The following EZH2 variants were observed in gnomAD, a reference collection of about 807,000 sequenced individuals.
EZH2 encodes histone-lysine N-methyltransferase EZH2.
Under a neutral mutation model 98.4 loss-of-function variants are expected in EZH2, and 18 were observed. The ratio of observed to expected loss-of-function variants is 0.18; its 90% confidence interval spans 0.13 to 0.27. The LOEUF (loss-of-function observed/expected upper bound fraction) is 0.27, where lower values mean the gene tolerates loss of function less well. EZH2 is among the 10% of genes least tolerant of loss of function. EZH2 has a pLI of 1.00. For missense variants in EZH2, 470 were observed against 935.1 expected (o/e 0.50, Z 6.49); for synonymous variants, 338 against 312.3 (o/e 1.08, Z -0.87).
At chr7:148,876,468 C>T (rs921369055) in intron 1 of EZH2, among the ~76,000 whole-genome samples, 1 of 152,168 alleles carries the variant, frequency 6.6e-6, no homozygotes, top group Non-Finnish European at 1.5e-5. Flanking sequence ...TACTTCAATA[C>T]AGTTGTTGTT....
At chr7:148,815,468 T>A in intron 13 of EZH2, 38 bp downstream of exon 13, 1 of 1,590,028 alleles carries the variant, frequency 6.3e-7, no homozygotes, top group African/African-American at 1.3e-5. Context: ...AAGCAGATAT[T>A]GTTAAGCTAA....
rs1357815546 is a variant in EZH2, at chr7:148,813,968, G to A, written c.1842C>T (p.Gly614=). 3.1e-6 allele frequency: 5 copies of A among 1,609,698 alleles called. No homozygotes were observed. The South Asian group carries it at 4.4e-5, about 14-fold the overall frequency. The change falls in exon 15 of 20, where the codon GGC becomes GGT. Residue 614 remains glycine, a synonymous_variant. Transcript: ENST00000320356. ...GTGACTTGTTGCTCACCTTTTTGGA[G>A]CCCCGCTGAATACTGCAGTTCTTGC... ...VSCKNCSIQR[G]SKKHLLLAPS...
chr7:148,810,443 T>C, intron 16 of EZH2, 29 bp from the exon 17 acceptor site: 1 of 1,522,770 alleles, frequency 6.6e-7, no homozygotes, highest in Non-Finnish European at 9.1e-7. Context: ...GAGAAAATTC[T>C]TTTGGATAAA....
At chr7:148,832,839 C>A (rs1809769855) in intron 3 of EZH2, 89 bp from the exon 4 acceptor site, 4 of 717,922 alleles carry the variant, frequency 5.6e-6, no homozygotes, top group African/African-American at 5.2e-5. Flanking sequence ...GCTGCCTACC[C>A]AAATATTTAA....
At chr7:148,810,139 T>C (rs1319161384) in intron 17 of EZH2, 194 bp downstream of exon 17, 2 of 459,320 alleles carry the variant, frequency 4.4e-6, no homozygotes, top group Non-Finnish European at 8.0e-6. Context: ...GGCGGTTTCC[T>C]GCACATCTAG....
intron 1 of EZH2, among the ~76,000 whole-genome samples, chr7:148,875,550 G>C (rs1192780572): frequency 6.6e-6 from 1 of 152,150 alleles, no homozygotes; most frequent in African/African-American, 2.4e-5. Context: ...CCCACAATGA[G>C]ATACTTAATA....
intron 8 of EZH2, among the ~76,000 whole-genome samples, chr7:148,819,898 A>C (rs1011153202): frequency 6.6e-6 from 1 of 152,194 alleles, no homozygotes. Context: ...GGAAGGAAAA[A>C]CAGTAAATTC....
intron 19 of EZH2, among the ~76,000 whole-genome samples, 184 bp from the exon 20 acceptor site, chr7:148,807,890 A>AT: frequency 6.6e-6 from 1 of 151,982 alleles, no homozygotes; most frequent in Non-Finnish European, 1.5e-5. Flanking sequence ...AAGGCAATGC[A>AT]TAGGTCTGTG....
At position 148,815,038 on chromosome 7, in the gene EZH2, G is replaced by A. The variant is rs199901053; in HGVS notation, c.1548C>T (p.Asp516=). The change falls in exon 14 of 20, where the codon GAC becomes GAT. Residue 516 remains aspartate (D), a splice_region_variant and synonymous_variant. Coordinates refer to ENST00000320356, the MANE Select transcript of EZH2 (RefSeq NM_004456.5). ...AGTTGTAAACATGGTTAGAGGAGCC[G>A]TCTGAGTAAAGATAACATCATGCAG... The part of the protein sequence containing the change: ...AHCRKIQLKK[D]GSSNHVYNYQ... 33 of 1,613,446 alleles carry A rather than the reference G, an allele frequency of 2.0e-5. No individual in the cohort carries two copies. The highest frequency in any genetic ancestry group is 1.7e-4 in the Middle Eastern group (1 of 6,030).
At chr7:148,847,359 T>A (rs1283156465) in intron 1 of EZH2, 54 bp from the exon 2 acceptor site, 7 of 1,599,466 alleles carry the variant, frequency 4.4e-6, no homozygotes, top group Middle Eastern at 1.7e-4. Flanking sequence ...CTGAATATGA[T>A]CACCTGTGTT....
At position 148,827,270 on chromosome 7, in the gene EZH2, A is replaced by T; in HGVS notation, c.626-4T>A. 1.2e-6 allele frequency: 2 copies of T among 1,605,732 alleles called. No homozygotes were observed. The highest frequency in any genetic ancestry group is 2.2e-5 in the South Asian group (2 of 89,502). Reference sequence around the variant, plus strand: ...CGAGGTGGGCGGCTTTCTTTATCTAAACAGGAGAATATGAAAGGAAAAAAA... The same window carrying T: ...CGAGGTGGGCGGCTTTCTTTATCTATACAGGAGAATATGAAAGGAAAAAAA... On this transcript the variant is annotated splice_region_variant and splice_polypyrimidine_tract_variant and intron_variant, in intron 6 of 19. Coordinates refer to ENST00000320356, the MANE Select transcript of EZH2 (RefSeq NM_004456.5).
At position 148,814,135 on chromosome 7, in the gene EZH2, G is replaced by T; in HGVS notation, c.1675C>A (p.Gln559Lys). 1.2e-6 allele frequency: 2 copies of T among 1,612,394 alleles called. No individual in the cohort carries two copies. The highest frequency in any genetic ancestry group is 2.2e-5 in the South Asian group (2 of 90,618). The change falls in exon 15 of 20, where the codon CAA becomes AAA. Residue 559 changes from glutamine (Q) to lysine (K), a missense_variant and splice_region_variant. Coordinates refer to ENST00000320356, the MANE Select transcript of EZH2 (RefSeq NM_004456.5). ...CAGCGGCATCCCGGAAAGCGGTTTT[G>T]ACCTTCAGAGAGAGGTTTGGAGGTT... ...EKFCQCSSECQNRFPGCRCKA... is the reference protein window; with the variant it reads ...EKFCQCSSECKNRFPGCRCKA...
At chr7:148,829,287 A>G (rs1191050966) in intron 5 of EZH2, among the ~76,000 whole-genome samples, 1 of 152,084 alleles carries the variant, frequency 6.6e-6, no homozygotes, top group Non-Finnish European at 1.5e-5. Flanking sequence ...TCCTGGACAC[A>G]AAAAACTGAA....
At chr7:148,871,403 TA>T (rs71529646) in intron 1 of EZH2, among the ~76,000 whole-genome samples, 16,310 of 88,756 alleles carry the variant, frequency 0.18, 1,115 homozygotes, top group East Asian at 0.27. Flanking sequence ...GACGAATAAT[TA>T]AAAAAAAAAA....
At chr7:148,833,083 T>A (rs1208292251) in intron 3 of EZH2, among the ~76,000 whole-genome samples, 1 of 152,216 alleles carries the variant, frequency 6.6e-6, no homozygotes, top group East Asian at 1.9e-4. Context: ...TCCTAGCTCA[T>A]CCTTCATTTC....
chr7:148,827,026 T>A (rs1405777127), intron 7 of EZH2, 138 bp downstream of exon 7: 2 of 622,654 alleles, frequency 3.2e-6, no homozygotes, highest in South Asian at 2.5e-5. Context: ...CAAGTACACA[T>A]GTTGCTTCAA....
Position 148,817,862 on chromosome 7 carries a change from T to C in EZH2, c.1240+15A>G, listed in dbSNP as rs746432306. 6 of 1,614,200 alleles carry C rather than the reference T, an allele frequency of 3.7e-6. No homozygotes were observed. The highest frequency in any genetic ancestry group is 4.2e-6 in the Non-Finnish European group (5 of 1,180,014). ...TTCACAGAACAGTAAAACCCAGTTA[T>C]TAGACGTGTCTTACCAGAGGAGCTC... On this transcript the variant is annotated intron_variant, in intron 10 of 19. Transcript: ENST00000320356.
intron 1 of EZH2, among the ~76,000 whole-genome samples, chr7:148,863,870 C>A (rs1199715805): frequency 1.3e-5 from 2 of 152,142 alleles, no homozygotes; most frequent in Non-Finnish European, 2.9e-5. Flanking sequence ...TGTGAGAGAT[C>A]TATCGAAATG....
At chr7:148,817,704 G>T in intron 10 of EZH2, 173 bp downstream of exon 10, 2 of 888,546 alleles carry the variant, frequency 2.3e-6, no homozygotes, top group Non-Finnish European at 3.5e-6. Flanking sequence ...ACAAGCTAGG[G>T]TACGGGTGCA....
Sources: gnomAD v4.1 joint callset for allele counts (sites outside exome capture counted in the v4.1 genomes callset) on GRCh38, gnomAD v4.1.1 for gene constraint, MANE v1.5 for transcripts, NCBI Gene and HGNC (gene_info 2026-07-23, HGNC 2026-07-21) for gene names.